Variants in EXOSC10 observed in about 807,000 individuals in gnomAD.
The protein encoded by EXOSC10 is exosome complex component 10.
In EXOSC10, 94 loss-of-function variants were observed where a neutral mutation model predicts 126.6. That is an observed-to-expected ratio of 0.74 (90% CI 0.63 to 0.88). EXOSC10 has a LOEUF of 0.88. EXOSC10 is among the 40% of genes least tolerant of loss of function. The pLI, the probability that EXOSC10 is intolerant of heterozygous loss-of-function variation, is 0.00. For synonymous variants in EXOSC10, 395 were observed against 400.8 expected, an observed-to-expected ratio of 0.99 and a Z score of 0.17; for missense variants, 1,041 against 1,100.5, an observed-to-expected ratio of 0.95 and a Z score of 0.77.
chr1:11,083,952 T>C (rs1180332289), intron 9 of EXOSC10, among the ~76,000 whole-genome samples: 3 of 152,230 alleles, frequency 2.0e-5, no homozygotes, highest in Non-Finnish European at 4.4e-5. Flanking sequence ...ACAAAGGACA[T>C]GAACTCATCC....
At chr1:11,097,947 T>G in intron 2 of EXOSC10, 73 bp downstream of exon 2, 1 of 1,375,482 alleles carries the variant, frequency 7.3e-7, no homozygotes, top group Non-Finnish European at 9.5e-7. Flanking sequence ...AAAATAAATT[T>G]CAGGAAAAAT....
chr1:11,088,203 G>A lies in EXOSC10; in HGVS notation c.759-5C>T, dbSNP rs1640607399. On this transcript the variant is annotated splice_region_variant and splice_polypyrimidine_tract_variant and intron_variant, in intron 6 of 24. Coordinates refer to ENST00000376936, the MANE Select transcript of EXOSC10 (RefSeq NM_001001998.3). The stretch of plus-strand genomic sequence containing the variant: ...TATTGATAAGGATGTGCAAACCTGA[G>A]TAAATAAAACAAAAAGAGAAATCAT... 1.9e-6 allele frequency: 3 copies of A among 1,598,122 alleles called. No individual in the cohort carries two copies. The highest frequency in any genetic ancestry group is 1.3e-5 in the African/African-American group (1 of 74,240).
chr1:11,067,450 A>AC, intron 24 of EXOSC10, among the ~76,000 whole-genome samples: 1 of 149,796 alleles, frequency 6.7e-6, no homozygotes, highest in Non-Finnish European at 1.5e-5. Flanking sequence ...AAAAAAAAAA[A>AC]AACATTAGCC....
At chr1:11,067,945 C>T (rs1439748543) in intron 24 of EXOSC10, 63 bp downstream of exon 24, 2 of 1,471,630 alleles carry the variant, frequency 1.4e-6, no homozygotes, top group South Asian at 1.2e-5. Context: ...CCACGGACCA[C>T]ACCACGCAGG....
Position 11,083,316 on chromosome 1 carries a change from G to A in EXOSC10, c.1090-438C>T, listed in dbSNP as rs185183937. Among the ~76,000 whole-genome samples the A allele has an allele frequency of 1.8e-3, 268 of 152,236 alleles. 2 individuals are homozygous for A. Among genetic ancestry groups the A allele is most frequent in the African/African-American group, 6.3e-3 (263 of 41,542 alleles). On this transcript the variant is annotated intron_variant, in intron 9 of 24. Coordinates refer to ENST00000376936, the MANE Select transcript of EXOSC10 (RefSeq NM_001001998.3). ...ATGGTGGATCACGCCTGTAATCCCAGCACTTTGGGCCAAGGTGGGTGGATT... is the reference window on the plus strand; with the variant it reads ...ATGGTGGATCACGCCTGTAATCCCAACACTTTGGGCCAAGGTGGGTGGATT...
chr1:11,069,252 A>G (rs1413111116), intron 22 of EXOSC10, among the ~76,000 whole-genome samples: 1 of 34,720 alleles, frequency 2.9e-5, no homozygotes, highest in African/African-American at 4.3e-5. Flanking sequence ...TGTGAGAGAG[A>G]GAGAGAGGGT....
intron 22 of EXOSC10, 48 bp from the exon 23 acceptor site, chr1:11,068,754 CCACACAT>C (rs759900006): frequency 6.9e-7 from 1 of 1,447,838 alleles, no homozygotes; most frequent in Non-Finnish European, 9.7e-7. Flanking sequence ...CAATGAGTTA[CCACACAT>C]CACAGGCTCA....
At position 11,081,121 on chromosome 1, in the gene EXOSC10, C is replaced by T. The variant is rs1484355513; in HGVS notation, c.1398G>A (p.Leu466=). 6 of 1,614,216 alleles carry T rather than the reference C, an allele frequency of 3.7e-6. No homozygotes were observed. The South Asian group carries it at 4.4e-5, about 12-fold the overall frequency. ...WERGNGQPVQ[L]QVVWQRSRDI... Reference sequence around the variant, plus strand: ...CCCTGCTCCGTTGCCACACCACCTGCAGCTGCACCGGCTGCCCGTTGCCGC... The same window carrying T: ...CCCTGCTCCGTTGCCACACCACCTGTAGCTGCACCGGCTGCCCGTTGCCGC... Residue 466 remains leucine (L), a synonymous_variant, in exon 11 of 25, where the codon CTG becomes CTA. Coordinates refer to ENST00000376936, the MANE Select transcript of EXOSC10 (RefSeq NM_001001998.3).
rs763242429 is a variant in EXOSC10 at position 11,077,617 on chromosome 1, G to T, written c.1784C>A (p.Pro595Gln). ...ACACTCTACCTCAGCACTGGGCAGC[G>T]GTCCGCTCTTCTTCACTCCGGCTGC... ...EVAAGVKKSG[P>Q]LPSAERLENV... Residue 595 changes from proline (P) to glutamine (Q), a missense_variant, in exon 15 of 25, where the codon CCG becomes CAG. Physicochemically the swap from Pro to Gln is moderately conservative, Grantham distance 76. Around this residue, in one of 3 missense-constraint regions of EXOSC10, gnomAD observed 388 missense variants for 415.2 expected, o/e 0.93. Coordinates refer to ENST00000376936, the MANE Select transcript of EXOSC10 (RefSeq NM_001001998.3). The T allele has an allele frequency of 6.2e-7, 1 of 1,613,274 alleles. No homozygotes were observed. Among genetic ancestry groups the T allele is most frequent in the East Asian group, 2.2e-5 (1 of 44,844 alleles).
chr1:11,096,863 T>G (rs902992067), intron 2 of EXOSC10, among the ~76,000 whole-genome samples: 1 of 151,600 alleles, frequency 6.6e-6, no homozygotes, highest in African/African-American at 2.4e-5. Context: ...ACTTCAGGAG[T>G]GGTCACGACT....
At position 11,075,158 on chromosome 1, in the gene EXOSC10, G is replaced by A. The variant is rs542627757; in HGVS notation, c.1987-832C>T. On this transcript the variant is annotated intron_variant, in intron 17 of 24. Transcript: ENST00000376936. Reference sequence around the variant, plus strand: ...AGTGATTCTCCTGCCTCAGCCTCACGAGTAGCTGGGATTACAAGCGTGCGC... The same window carrying A: ...AGTGATTCTCCTGCCTCAGCCTCACAAGTAGCTGGGATTACAAGCGTGCGC... 2.1e-3 allele frequency among the ~76,000 whole-genome samples: 324 copies of A among 152,084 alleles called. 3 individuals carry two copies. The highest frequency in any genetic ancestry group is 6.9e-3 in the African/African-American group (286 of 41,482).
At chr1:11,098,814 C>A (rs1246049813) in intron 1 of EXOSC10, among the ~76,000 whole-genome samples, 1 of 152,100 alleles carries the variant, frequency 6.6e-6, no homozygotes, top group African/African-American at 2.4e-5. Context: ...CGAAAAAAAG[C>A]CGTGAAGTGA....
Position 11,077,532 on chromosome 1 carries a change from A to C in EXOSC10, c.1800+69T>G, listed in dbSNP as rs1001521048. 13 of 1,603,802 alleles carry C rather than the reference A, an allele frequency of 8.1e-6. No homozygotes were observed. In the Middle Eastern group the frequency reaches 5.0e-4, roughly 61 times the overall value. ...AGCTGTCAGCACAGGCCTCTGTCAGAGGTGTACTTGCACTGGCTGTGACTT... is the reference window on the plus strand; with the variant it reads ...AGCTGTCAGCACAGGCCTCTGTCAGCGGTGTACTTGCACTGGCTGTGACTT... On this transcript the variant is annotated intron_variant, in intron 15 of 24. Transcript: ENST00000376936.
At chr1:11,087,399 A>G in intron 9 of EXOSC10, 49 bp downstream of exon 9, 1 of 1,609,558 alleles carries the variant, frequency 6.2e-7, no homozygotes, top group Middle Eastern at 1.7e-4. Context: ...GAAAAGCACT[A>G]AAAATCTTGT....
At position 11,069,744 on chromosome 1, in the gene EXOSC10, A is replaced by G. The variant is rs1483325526; in HGVS notation, c.2317-14T>C. 3.7e-6 allele frequency: 6 copies of G among 1,613,028 alleles called. No individual in the cohort carries two copies. The South Asian group carries it at 6.6e-5, about 18-fold the overall frequency. ...AGCATTTTCTAGCTGTAGATCAGGA[A>G]CAGATGTGGGGGAGGAACAGGGAGG... On this transcript the variant is annotated splice_polypyrimidine_tract_variant and intron_variant, in intron 21 of 24. Transcript: ENST00000376936.
intron 17 of EXOSC10, among the ~76,000 whole-genome samples, chr1:11,075,101 C>A (rs527559418): frequency 3.9e-5 from 6 of 152,270 alleles, no homozygotes; most frequent in Admixed American, 1.3e-4. Flanking sequence ...GGTGCCATCT[C>A]TGCTCACTGC....
intron 10 of EXOSC10, among the ~76,000 whole-genome samples, chr1:11,081,602 A>T (rs1008792363): frequency 2.6e-4 from 39 of 152,190 alleles, no homozygotes; most frequent in Non-Finnish European, 7.3e-5. Flanking sequence ...AACTTGTGAA[A>T]TGGGAACCAG....
rs754607937 is a variant in EXOSC10 at position 11,087,596 on chromosome 1, A to T, written c.946-5T>A. On this transcript the variant is annotated splice_polypyrimidine_tract_variant and splice_region_variant and intron_variant, in intron 8 of 24. Coordinates refer to ENST00000376936, the MANE Select transcript of EXOSC10 (RefSeq NM_001001998.3). Reference sequence around the variant, plus strand: ...GAAGCTCCTGTAAGAGTGGTGCTAAACCCCACAGAAGGAGGGGAGAAGAGG... The same window carrying T: ...GAAGCTCCTGTAAGAGTGGTGCTAATCCCCACAGAAGGAGGGGAGAAGAGG... 5.0e-6 allele frequency: 8 copies of T among 1,613,782 alleles called. No individual in the cohort carries two copies. In the Admixed American group the frequency reaches 1.3e-4, roughly 27 times the overall value.
intron 2 of EXOSC10, among the ~76,000 whole-genome samples, chr1:11,097,586 C>T (rs1411487673): frequency 2.6e-5 from 4 of 151,288 alleles, no homozygotes; most frequent in East Asian, 2.0e-4. Context: ...ATTAGCTGGG[C>T]GTGTTGACGG....
Sources: allele counts gnomAD v4.1 joint callset (sites outside exome capture counted in the v4.1 genomes callset), GRCh38; gene constraint gnomAD v4.1.1; regional missense constraint gnomAD v4.1.1; transcripts MANE v1.5; gene names NCBI Gene and HGNC (gene_info 2026-07-23, HGNC 2026-07-21).